CYTH2: variants seen among roughly 807,000 people sequenced by gnomAD.
CYTH2 encodes cytohesin 2.
CYTH2 carries 24 observed loss-of-function variants against 55.4 expected under a neutral mutation model. The ratio of observed to expected loss-of-function variants is 0.43; its 90% CI spans 0.31 to 0.61. The LOEUF is 0.61. CYTH2 is among the 20% of genes least tolerant of loss of function. The pLI, the probability that CYTH2 is intolerant of heterozygous loss-of-function variation, is 0.08. For missense variants in CYTH2, 378 were observed against 533.5 expected (o/e 0.71, Z 2.87); for synonymous variants, 221 against 209.6 (o/e 1.05, Z -0.47).
chr19:48,473,671 C>G, intron 5 of CYTH2: 1 of 597,040 alleles, frequency 1.7e-6, no homozygotes. Context: ...AAGCCTCAAC[C>G]AACCCCCAGA....
Position 48,474,110 on chromosome 19 carries a change from C to A in CYTH2, c.548-72C>A. On this transcript the variant is annotated intron_variant, in intron 6 of 11. Coordinates refer to ENST00000452733, the MANE Select transcript of CYTH2 (RefSeq NM_004228.7). The surrounding 1 kb of genome is among the most constrained non-coding windows in gnomAD (Gnocchi z 4.9). The stretch of plus-strand genomic sequence containing the variant: ...GGGAGGGGGCTGGGAGCTGGGAATC[C>A]TGGGTCCTGGGGAATGGGGGCACTG... 1 of 1,548,350 alleles carries A rather than the reference C, an allele frequency of 6.5e-7. No homozygotes were observed. Among genetic ancestry groups the A allele is most frequent in the Non-Finnish European group, 8.7e-7 (1 of 1,147,374 alleles).
At chr19:48,472,901 G>T (rs1971832966) in intron 4 of CYTH2, 1 of 311,046 alleles carries the variant, frequency 3.2e-6, no homozygotes, top group African/African-American at 2.1e-5. Context: ...GCCATCTGTG[G>T]ACGTCTGGGA....
intron 4 of CYTH2, 26 bp downstream of exon 4, chr19:48,472,469 G>C: frequency 5.6e-6 from 9 of 1,598,414 alleles, no homozygotes; most frequent in Non-Finnish European, 7.7e-6. Flanking sequence ...AGCTCCTGTG[G>C]GGCCCCTCCC....
chr19:48,469,807 G>A lies in CYTH2; in HGVS notation c.19+281G>A, dbSNP rs180921543. On this transcript the variant is annotated intron_variant, in intron 1 of 11. Transcript: ENST00000452733. Reference sequence around the variant, plus strand: ...GGGGCGGAACCATTCCCGCTGGAGGGGCGGGCGAGCCCAGCGCCTGCCGGG... The same window carrying A: ...GGGGCGGAACCATTCCCGCTGGAGGAGCGGGCGAGCCCAGCGCCTGCCGGG... 8.9e-5 allele frequency: 55 copies of A among 618,468 alleles called. No homozygotes were observed. In the African/African-American group the frequency reaches 9.5e-4, roughly 11 times the overall value. The allele number at this position is 618,468 out of a possible 1,614,324, so 38.3% of individuals were successfully genotyped here. A position where few individuals can be genotyped will look rare whatever the true frequency, so the allele number is the denominator to read the frequency against.
rs758868153 is a variant in CYTH2 at position 48,475,041 on chromosome 19, G to GA, written c.808+94dup. 7 of 1,126,472 alleles carry GA rather than the reference G, an allele frequency of 6.2e-6. No individual in the cohort carries two copies. The East Asian group carries it at 1.7e-4, about 27-fold the overall frequency. The allele number at this position is 1,126,472 out of a possible 1,614,324, so 69.8% of individuals were successfully genotyped here. On this transcript the variant is annotated intron_variant, in intron 8 of 11. Coordinates refer to ENST00000452733, the MANE Select transcript of CYTH2 (RefSeq NM_004228.7). ...CAGCTTCCGCACACACCTGCTGCCTGAACTGAGGCAAATGATTCGACCTCT... is the reference window on the plus strand; with the variant it reads ...CAGCTTCCGCACACACCTGCTGCCTGAAACTGAGGCAAATGATTCGACCTCT...
Position 48,469,494 on chromosome 19 carries a change from C to T in CYTH2, c.-14C>T. 1 of 1,319,470 alleles carries T rather than the reference C, an allele frequency of 7.6e-7. No homozygotes were observed. The highest frequency in any genetic ancestry group is 9.7e-7 in the Non-Finnish European group (1 of 1,026,200). The allele number at this position is 1,319,470 out of a possible 1,614,324, so 81.7% of individuals were successfully genotyped here. ...GGGACCGCCCCGGATTCCCCGCGGGCCTTCCTAGCCGCCATGGAGGACGGC... is the reference window on the plus strand; with the variant it reads ...GGGACCGCCCCGGATTCCCCGCGGGTCTTCCTAGCCGCCATGGAGGACGGC... On this transcript the variant is annotated 5_prime_UTR_variant, in exon 1 of 12. Transcript: ENST00000452733.
chr19:48,472,418 G>A lies in CYTH2; in HGVS notation c.328G>A (p.Ala110Thr). 1 of 1,613,754 alleles carries A rather than the reference G, an allele frequency of 6.2e-7. No individual in the cohort carries two copies. Among genetic ancestry groups the A allele is most frequent in the Non-Finnish European group, 8.5e-7 (1 of 1,180,022 alleles). The change falls in exon 4 of 12, where the codon GCC becomes ACC. Residue 110 changes from alanine (A) to threonine (T), a missense_variant. By Grantham distance (58) the Ala-to-Thr change is moderately conservative. Coordinates refer to ENST00000452733, the MANE Select transcript of CYTH2 (RefSeq NM_004228.7). ...CAAGGGCGAGGGGCTGAACAAGACA[G>A]CCATCGGGGACTACCTGGGGGAGAG... ...LYKGEGLNKT[A>T]IGDYLGEREE... is the part of the protein sequence containing the mutation.
At chr19:48,471,296 C>T (rs1012802313) in intron 3 of CYTH2, among the ~76,000 whole-genome samples, 2 of 152,158 alleles carry the variant, frequency 1.3e-5, no homozygotes, top group African/African-American at 4.8e-5. Flanking sequence ...GGCTTACAGG[C>T]TCCCACCACC....
Position 48,472,388 on chromosome 19 carries a change from C to T in CYTH2, c.298C>T (p.Leu100=), listed in dbSNP as rs1034849752. The T allele has an allele frequency of 5.6e-6, 9 of 1,614,018 alleles. No individual in the cohort carries two copies. The highest frequency in any genetic ancestry group is 6.8e-6 in the Non-Finnish European group (8 of 1,180,024). ...QNTPEEIARF[L]YKGEGLNKTA... ...CACACCCGAGGAGATCGCCCGCTTC[C>T]TGTACAAGGGCGAGGGGCTGAACAA... The change falls in exon 4 of 12, where the codon CTG becomes TTG. Residue 100 remains leucine (L), a synonymous_variant. Transcript: ENST00000452733.
chr19:48,479,286 T>C lies in CYTH2; in HGVS notation c.*76T>C. ...GCCGGACCCCTGGGCCTTGGGGCTGTGGATCCTGGTTCCCTGTTTGGAAAA... is the reference window on the plus strand; with the variant it reads ...GCCGGACCCCTGGGCCTTGGGGCTGCGGATCCTGGTTCCCTGTTTGGAAAA... On this transcript the variant is annotated 3_prime_UTR_variant, in exon 12 of 12. Transcript: ENST00000452733. 1 of 1,502,192 alleles carries C rather than the reference T, an allele frequency of 6.7e-7. No homozygotes were observed. Among genetic ancestry groups the C allele is most frequent in the South Asian group, 1.1e-5 (1 of 88,012 alleles). The allele number at this position is 1,502,192 out of a possible 1,614,324, so 93.1% of individuals were successfully genotyped here. A position where few individuals can be genotyped will look rare whatever the true frequency, so the allele number is the denominator to read the frequency against.
rs548089510 is a variant in CYTH2, at chr19:48,470,157, TC to T, written c.20-191del. On this transcript the variant is annotated intron_variant, in intron 1 of 11. Transcript: ENST00000452733. ...GGAATCCGGGCCCCAATTCCCCTTGTCCCCCAGGACTCAAGAGTTTAGAGCC... is the reference window on the plus strand; with the variant it reads ...GGAATCCGGGCCCCAATTCCCCTTGTCCCCAGGACTCAAGAGTTTAGAGCC... 42 of 882,306 alleles carry T rather than the reference TC, an allele frequency of 4.8e-5. No individual in the cohort carries two copies. The South Asian group carries it at 5.8e-4, about 12-fold the overall frequency. 54.7% of individuals were successfully genotyped at this position (882,306 alleles called of 1,614,324 possible).
chr19:48,473,551 G>T (rs1423335168), intron 5 of CYTH2, 173 bp downstream of exon 5: 6 of 653,770 alleles, frequency 9.2e-6, no homozygotes, highest in Admixed American at 2.7e-5. Flanking sequence ...CCTCCTTCAG[G>T]TATGGCTATA....
In CYTH2 at chr19:48,474,117, C is replaced by G; in HGVS notation, c.548-65C>G. On this transcript the variant is annotated intron_variant, in intron 6 of 11. Coordinates refer to ENST00000452733, the MANE Select transcript of CYTH2 (RefSeq NM_004228.7). The surrounding 1 kb of genome is among the most constrained non-coding windows in gnomAD (Gnocchi z 4.9). The stretch of plus-strand genomic sequence containing the variant: ...GGCTGGGAGCTGGGAATCCTGGGTC[C>G]TGGGGAATGGGGGCACTGGGGACTG... 6.4e-7 allele frequency: 1 copy of G among 1,553,062 alleles called. No individual in the cohort carries two copies. Among genetic ancestry groups the G allele is most frequent in the Non-Finnish European group, 8.7e-7 (1 of 1,148,982 alleles).
chr19:48,470,004 G>C (rs1419099655), intron 1 of CYTH2: 1 of 569,556 alleles, frequency 1.8e-6, no homozygotes, highest in Non-Finnish European at 3.4e-6. Flanking sequence ...TACCTCGCCA[G>C]TAATGGAGTC....
chr19:48,481,459 A>G lies in CYTH2; in HGVS notation c.*2249A>G. On this transcript the variant is annotated 3_prime_UTR_variant, in exon 12 of 12. Transcript: ENST00000452733. ...GCTCCCTCCTCGCCCAGGACCCCCA[A>G]GCTCCCAGCACGCTTCTGATTTTTT... is the stretch of plus-strand genomic sequence containing the variant. The G allele has an allele frequency of 6.0e-6, 1 of 167,422 alleles. No homozygotes were observed. Among genetic ancestry groups the G allele is most frequent in the Non-Finnish European group, 1.3e-5 (1 of 78,150 alleles). The allele number at this position is 167,422 out of a possible 1,614,324, so 10.4% of individuals were successfully genotyped here.
Position 48,470,098 on chromosome 19 carries a change from C to T in CYTH2, c.20-255C>T, listed in dbSNP as rs891355118. ...CCCTTTCTTCCCTCAGATCTAAGAG[C>T]TCAGGCACCCATTCCCCTTCTCCCT... On this transcript the variant is annotated intron_variant, in intron 1 of 11. Coordinates refer to ENST00000452733, the MANE Select transcript of CYTH2 (RefSeq NM_004228.7). The T allele has an allele frequency of 2.2e-5, 15 of 686,844 alleles. No homozygotes were observed. In the African/African-American group the frequency reaches 2.7e-4, roughly 12 times the overall value. 42.5% of individuals were successfully genotyped at this position (686,844 alleles called of 1,614,324 possible). A position where few individuals can be genotyped will look rare whatever the true frequency, so the allele number is the denominator to read the frequency against.
In CYTH2 at chr19:48,480,976, C is replaced by T. The variant is rs915780515; in HGVS notation, c.*1766C>T. 6.6e-6 allele frequency: 1 copy of T among 152,146 alleles called. No homozygotes were observed. The highest frequency in any genetic ancestry group is 2.4e-5 in the African/African-American group (1 of 41,436). 9.4% of individuals were successfully genotyped at this position (152,146 alleles called of 1,614,324 possible). ...GAGGGCAGAGGCAGGCGGCCGGTCG[C>T]GTGGGGCCTGGGCCGCCCCAGGAGG... On this transcript the variant is annotated 3_prime_UTR_variant, in exon 12 of 12. Coordinates refer to ENST00000452733, the MANE Select transcript of CYTH2 (RefSeq NM_004228.7).
At chr19:48,478,785 A>G (rs1643482) in intron 11 of CYTH2, among the ~76,000 whole-genome samples, 193 bp downstream of exon 11, 2,108 of 94,436 alleles carry the variant, frequency 0.022, 102 homozygotes, top group African/African-American at 0.11. Flanking sequence ...GGGCCTGGAC[A>G]CCTGGGTCTG....
rs1283080359 is a variant in CYTH2, at chr19:48,481,983, G to A, written c.*2773G>A. 1.3e-5 allele frequency: 2 copies of A among 152,352 alleles called. No homozygotes were observed. Among genetic ancestry groups the A allele is most frequent in the Non-Finnish European group, 2.9e-5 (2 of 68,150 alleles). 9.4% of individuals were successfully genotyped at this position (152,352 alleles called of 1,614,324 possible). On this transcript the variant is annotated 3_prime_UTR_variant, in exon 12 of 12. Transcript: ENST00000452733. The stretch of plus-strand genomic sequence containing the variant: ...GATAGATTAATGCCTGCCTTAAGGG[G>A]TGAGTGAGTGCTCACCCTTGGGAAT...
Sources: gnomAD v4.1 joint callset for allele counts (sites outside exome capture counted in the v4.1 genomes callset) on GRCh38, gnomAD v4.1.1 for gene constraint, Gnocchi (gnomAD v3.1) non-coding constraint, MANE v1.5 for transcripts, NCBI Gene and HGNC (gene_info 2026-07-23, HGNC 2026-07-21) for gene names.